CCSER1: variants seen among roughly 807,000 people sequenced by gnomAD.
CCSER1 encodes the protein coiled-coil serine rich protein 1, also known as serine-rich coiled-coil domain-containing protein 1.
In CCSER1, 41 loss-of-function variants were observed where a neutral mutation model predicts 82.0. The ratio of observed to expected loss-of-function variants is 0.50; its 90% CI spans 0.39 to 0.65. The LOEUF (loss-of-function observed/expected upper bound fraction) is 0.65. Ranked by LOEUF, CCSER1 falls within the 30% of genes least tolerant of loss-of-function variation. CCSER1 has a pLI of 0.00. For synonymous variants in CCSER1, 414 were observed against 383.9 expected, an observed-to-expected ratio of 1.08 and a Z score of -0.92; for missense variants, 1,119 against 1,064.2, an observed-to-expected ratio of 1.05 and a Z score of -0.72.
At chr4:91,264,489 A>G (rs1476971031) in intron 10 of CCSER1, among the ~76,000 whole-genome samples, 2 of 151,964 alleles carry the variant, frequency 1.3e-5, no homozygotes, top group Non-Finnish European at 1.5e-5. Context: ...GAAAAGAATT[A>G]TCCAACTCTT....
intron 10 of CCSER1, among the ~76,000 whole-genome samples, chr4:91,271,652 C>T (rs1742033925): frequency 6.6e-6 from 1 of 151,446 alleles, no homozygotes; most frequent in African/African-American, 2.4e-5. Flanking sequence ...ATATGATATA[C>T]ATATATACAC....
intron 6 of CCSER1, among the ~76,000 whole-genome samples, chr4:90,707,553 A>G (rs1739635756): frequency 6.6e-6 from 1 of 150,596 alleles, no homozygotes; most frequent in Non-Finnish European, 1.5e-5. Context: ...ATATATATAT[A>G]TATAATATTC....
intron 10 of CCSER1, among the ~76,000 whole-genome samples, chr4:91,469,839 C>A (rs1757164894): frequency 6.6e-6 from 1 of 152,154 alleles, no homozygotes; most frequent in Non-Finnish European, 1.5e-5. Context: ...TTTCCCAGTG[C>A]CCTCTACTAA....
At chr4:90,846,405 G>C (rs1356378741) in intron 8 of CCSER1, among the ~76,000 whole-genome samples, 6 of 152,020 alleles carry the variant, frequency 3.9e-5, no homozygotes, top group African/African-American at 1.4e-4. Flanking sequence ...ATTTAATATT[G>C]TTATAGACAC....
intron 8 of CCSER1, among the ~76,000 whole-genome samples, chr4:90,886,081 T>C (rs967881053): frequency 6.6e-6 from 1 of 152,154 alleles, no homozygotes; most frequent in African/African-American, 2.4e-5. Flanking sequence ...CAAGTCTTCC[T>C]AGTCAGATGA....
At chr4:90,489,327 C>T (rs1767597476) in intron 5 of CCSER1, among the ~76,000 whole-genome samples, 1 of 151,962 alleles carries the variant, frequency 6.6e-6, no homozygotes, top group South Asian at 2.1e-4. Flanking sequence ...AAGTGAAAAT[C>T]CTCTTTTGAG....
chr4:90,807,724 TG>T lies in CCSER1; in HGVS notation c.2011-8037del, dbSNP rs200014552. On this transcript the variant is annotated intron_variant, in intron 7 of 10. Coordinates refer to ENST00000509176, the MANE Select transcript of CCSER1 (RefSeq NM_001145065.2). ...CTCTGTAAGGACTATAAAACACTGA[TG>T]AAAAAAATCATATATGACATAAAAA... 4.6e-4 allele frequency among the ~76,000 whole-genome samples: 70 copies of T among 151,044 alleles called. 1 individual carries two copies. In the East Asian group the frequency reaches 0.011, roughly 25 times the overall value.
chr4:90,981,871 A>T (rs9990493), intron 9 of CCSER1, among the ~76,000 whole-genome samples: 3,903 of 151,334 alleles, frequency 0.026, 148 homozygotes, highest in African/African-American at 0.086. Flanking sequence ...AGGCTAAGAG[A>T]AGTAAAGCAT....
chr4:90,649,030 T>A (rs1728236100), intron 6 of CCSER1, among the ~76,000 whole-genome samples: 1 of 152,188 alleles, frequency 6.6e-6, no homozygotes, highest in Non-Finnish European at 1.5e-5. Flanking sequence ...TTTGCACTGA[T>A]AAGAAAACAG....
chr4:90,999,279 T>C (rs1447043466), intron 9 of CCSER1, among the ~76,000 whole-genome samples: 1 of 152,226 alleles, frequency 6.6e-6, no homozygotes, highest in Non-Finnish European at 1.5e-5. Flanking sequence ...ATGGTAGTTC[T>C]ATTTTAAGGT....
intron 2 of CCSER1, among the ~76,000 whole-genome samples, chr4:90,310,126 C>T (rs909749868): frequency 6.6e-6 from 1 of 151,870 alleles, no homozygotes; most frequent in Non-Finnish European, 1.5e-5. Flanking sequence ...ATAAATAATT[C>T]CTATCTCTAG....
At chr4:90,809,043 C>T (rs1192589416) in intron 7 of CCSER1, among the ~76,000 whole-genome samples, 1 of 152,008 alleles carries the variant, frequency 6.6e-6, no homozygotes, top group Non-Finnish European at 1.5e-5. Context: ...ATAAGTCAGG[C>T]ACGGTGGCTG....
intron 6 of CCSER1, among the ~76,000 whole-genome samples, chr4:90,660,406 A>T (rs1171696764): frequency 6.6e-6 from 1 of 152,104 alleles, no homozygotes; most frequent in African/African-American, 2.4e-5. Flanking sequence ...AGAAGCCATT[A>T]TCCTTAATGA....
intron 10 of CCSER1, among the ~76,000 whole-genome samples, chr4:91,255,731 C>T (rs1165051665): frequency 1.3e-5 from 2 of 152,190 alleles, no homozygotes; most frequent in Non-Finnish European, 2.9e-5. Flanking sequence ...TTACTGCAAT[C>T]TCTGAACATA....
chr4:90,473,596 C>G (rs1447996816), intron 5 of CCSER1, among the ~76,000 whole-genome samples: 2 of 152,162 alleles, frequency 1.3e-5, no homozygotes, highest in African/African-American at 4.8e-5. Context: ...ATTGCTAACA[C>G]TAACCTATTT....
intron 10 of CCSER1, among the ~76,000 whole-genome samples, chr4:91,524,129 A>G (rs1451938951): frequency 2.0e-5 from 3 of 152,224 alleles, no homozygotes; most frequent in Non-Finnish European, 2.9e-5. Context: ...AATTTGTTTA[A>G]ATTGAGTTTC....
At chr4:91,383,633 C>T (rs1346205983) in intron 10 of CCSER1, among the ~76,000 whole-genome samples, 3 of 152,040 alleles carry the variant, frequency 2.0e-5, no homozygotes, top group Non-Finnish European at 2.9e-5. Context: ...TGAGTAATTA[C>T]AACAGAAAAC....
At chr4:90,800,291 C>T (rs1440329012) in intron 7 of CCSER1, among the ~76,000 whole-genome samples, 2 of 151,944 alleles carry the variant, frequency 1.3e-5, no homozygotes, top group Admixed American at 6.6e-5. Context: ...TTTGTAGAGA[C>T]GAGGTCTTAC....
intron 4 of CCSER1, among the ~76,000 whole-genome samples, chr4:90,409,439 A>G (rs1754315826): frequency 6.6e-6 from 1 of 152,236 alleles, no homozygotes; most frequent in Admixed American, 6.5e-5. Flanking sequence ...CTCTCGGCAG[A>G]AACTCTACAA....
Sources: gnomAD v4.1 joint callset for allele counts (sites outside exome capture counted in the v4.1 genomes callset) on GRCh38, gnomAD v4.1.1 for gene constraint, MANE v1.5 for transcripts, NCBI Gene and HGNC (gene_info 2026-07-23, HGNC 2026-07-21) for gene names.